LPP: variants seen among roughly 807,000 people sequenced by gnomAD.
LPP encodes LIM domain containing preferred translocation partner in lipoma.
In LPP, 38 loss-of-function variants were observed where a neutral mutation model predicts 60.4. That is an observed-to-expected ratio of 0.63 (90% CI 0.49 to 0.83). LPP has a LOEUF of 0.83. Among genes scored for constraint, LPP ranks in the 40% least tolerant of loss-of-function variants. The pLI, the probability that LPP is intolerant of heterozygous loss-of-function variation, is 0.00. For synonymous variants in LPP, 328 were observed against 290.8 expected (o/e 1.13, Z -1.30); for missense variants, 902 against 783.6 (o/e 1.15, Z -1.80).
chr3:188,775,354 G>A (rs1737410600), intron 9 of LPP, among the ~76,000 whole-genome samples: 1 of 152,116 alleles, frequency 6.6e-6, no homozygotes, highest in South Asian at 2.1e-4. Flanking sequence ...CCCGGCCCAT[G>A]CTTAGTTATT....
intron 1 of LPP, among the ~76,000 whole-genome samples, chr3:188,203,093 TA>T (rs965525850): frequency 4.2e-5 from 6 of 143,118 alleles, no homozygotes; most frequent in Admixed American, 2.2e-4. Context: ...TAAATTATAG[TA>T]AAAATATTTA....
chr3:188,591,947 T>G (rs1460639422), intron 6 of LPP, among the ~76,000 whole-genome samples: 1 of 152,200 alleles, frequency 6.6e-6, no homozygotes, highest in African/African-American at 2.4e-5. Flanking sequence ...GAAGATTATC[T>G]GATACACATG....
intron 6 of LPP, among the ~76,000 whole-genome samples, chr3:188,583,503 TCTC>T (rs1294688770): frequency 6.6e-6 from 1 of 152,180 alleles, no homozygotes; most frequent in Non-Finnish European, 1.5e-5. Context: ...CTTGCTGTGT[TCTC>T]CTGTGTTTTT....
At chr3:188,158,198 A>G (rs1717106981) in intron 1 of LPP, among the ~76,000 whole-genome samples, 1 of 152,142 alleles carries the variant, frequency 6.6e-6, no homozygotes, top group Non-Finnish European at 1.5e-5. Context: ...TAGAGGATCC[A>G]AGCTGAGTAT....
chr3:188,600,358 A>G (rs1344568064), intron 6 of LPP, among the ~76,000 whole-genome samples: 6 of 150,990 alleles, frequency 4.0e-5, no homozygotes, highest in African/African-American at 7.3e-5. Context: ...AGAATAGCCA[A>G]AAATAACCCC....
At chr3:188,579,597 A>T (rs956796012) in intron 6 of LPP, among the ~76,000 whole-genome samples, 1 of 152,140 alleles carries the variant, frequency 6.6e-6, no homozygotes, top group African/African-American at 2.4e-5. Flanking sequence ...TTATTTTTAA[A>T]TATAGTACTT....
At chr3:188,867,799 G>C (rs1767056750) in intron 10 of LPP, among the ~76,000 whole-genome samples, 1 of 152,082 alleles carries the variant, frequency 6.6e-6, no homozygotes, top group African/African-American at 2.4e-5. Flanking sequence ...CACCAGGTTG[G>C]GTATCCATTC....
At position 188,513,837 on chromosome 3, in the gene LPP, TTAAACTCGGAGTTGGCC is replaced by T. The variant is rs1816545047; in HGVS notation, c.307-10824_307-10808del. On this transcript the variant is annotated intron_variant, in intron 5 of 11. Coordinates refer to ENST00000617246, the MANE Select transcript of LPP (RefSeq NM_001375462.1). ...TGCCCTTACTTATAAAAGAGTTGGC[TTAAACTCGGAGTTGGCC>T]TAACTCTTACGGGTTTAGTCTGATG... is the stretch of plus-strand genomic sequence containing the variant. Among the ~76,000 whole-genome samples, 5 of 152,304 alleles carry T rather than the reference TTAAACTCGGAGTTGGCC, an allele frequency of 3.3e-5. No homozygotes were observed. In the South Asian group the frequency reaches 1.0e-3, roughly 32 times the overall value.
At chr3:188,689,836 G>A (rs575291365) in intron 7 of LPP, among the ~76,000 whole-genome samples, 6 of 152,030 alleles carry the variant, frequency 3.9e-5, no homozygotes, top group South Asian at 2.1e-4. Context: ...GAGGTTTCCT[G>A]TTGTATCAGA....
At chr3:188,444,202 T>G (rs1047347133) in intron 4 of LPP, among the ~76,000 whole-genome samples, 83 of 152,082 alleles carry the variant, frequency 5.5e-4, no homozygotes, top group African/African-American at 1.9e-3. Context: ...ATTTTTGTTC[T>G]ACACAGCATT....
intron 11 of LPP, 65 bp from the exon 12 acceptor site, chr3:188,874,286 A>G: frequency 6.6e-7 from 1 of 1,505,516 alleles, no homozygotes; most frequent in Non-Finnish European, 9.0e-7. Flanking sequence ...CTCAATCATG[A>G]TGTTCTCCAC....
At chr3:188,793,120 T>G (rs1372647631) in intron 9 of LPP, among the ~76,000 whole-genome samples, 1 of 151,776 alleles carries the variant, frequency 6.6e-6, no homozygotes, top group African/African-American at 2.4e-5. Context: ...GAAGTTACTT[T>G]GTACGTATCA....
chr3:188,811,888 A>T (rs1049502723), intron 9 of LPP, among the ~76,000 whole-genome samples: 2 of 152,208 alleles, frequency 1.3e-5, no homozygotes, highest in African/African-American at 4.8e-5. Flanking sequence ...TATGGGGTAC[A>T]TAAGATGTTT....
chr3:188,185,211 A>T (rs900611164), intron 1 of LPP, among the ~76,000 whole-genome samples: 1 of 149,960 alleles, frequency 6.7e-6, no homozygotes, highest in Non-Finnish European at 1.5e-5. Flanking sequence ...TGTGACCTCG[A>T]GAATGTTGTT....
chr3:188,602,176 T>TATATATAATATATA (rs1491164275), intron 6 of LPP, among the ~76,000 whole-genome samples: 1 of 99,480 alleles, frequency 1.0e-5, no homozygotes, highest in Non-Finnish European at 2.5e-5. Flanking sequence ...TATATATATA[T>TATATATAATATATA]TATATATATA....
At chr3:188,541,173 G>A (rs1386609069) in intron 6 of LPP, among the ~76,000 whole-genome samples, 5 of 151,994 alleles carry the variant, frequency 3.3e-5, no homozygotes, top group South Asian at 2.1e-4. Context: ...CTACCCAGAC[G>A]CTAAAGCATG....
At chr3:188,702,340 C>CT (rs111321221) in intron 7 of LPP, among the ~76,000 whole-genome samples, 1,413 of 118,870 alleles carry the variant, frequency 0.012, 18 homozygotes, top group African/African-American at 0.028. Flanking sequence ...TCTTCTTCTT[C>CT]TTTTTTTTTT....
At chr3:188,462,544 T>TTATATATATATATATATA (rs71167102) in intron 4 of LPP, among the ~76,000 whole-genome samples, 1 of 34,188 alleles carries the variant, frequency 2.9e-5, no homozygotes. Flanking sequence ...TATATGAGCT[T>TTATATATATATATATATA]TATATATATA....
chr3:188,375,413 G>T (rs1016119934), intron 3 of LPP, among the ~76,000 whole-genome samples: 2 of 152,064 alleles, frequency 1.3e-5, no homozygotes, highest in Non-Finnish European at 2.9e-5. Context: ...CAGAGATTCA[G>T]CTTCTTCCTT....
Sources: allele counts gnomAD v4.1 joint callset (sites outside exome capture counted in the v4.1 genomes callset), GRCh38; gene constraint gnomAD v4.1.1; transcripts MANE v1.5; gene names NCBI Gene and HGNC (gene_info 2026-07-23, HGNC 2026-07-21).